RNF4: variants seen among roughly 807,000 people sequenced by gnomAD.
The protein encoded by RNF4 is E3 ubiquitin-protein ligase RNF4.
A neutral mutation model predicts 24.3 loss-of-function variants in RNF4; 7 were observed. That is an observed-to-expected ratio of 0.29 (90% CI 0.16 to 0.54). The LOEUF is 0.54. RNF4 is among the 20% of genes least tolerant of loss of function. The pLI is 0.95. For synonymous variants in RNF4, 83 were observed against 84.3 expected, an observed-to-expected ratio of 0.98 and a Z score of 0.09; for missense variants, 209 against 248.5, an observed-to-expected ratio of 0.84 and a Z score of 1.07.
At chr4:2,497,914 G>A (rs867398359) in intron 3 of RNF4, among the ~76,000 whole-genome samples, 2 of 152,090 alleles carry the variant, frequency 1.3e-5, no homozygotes, top group Admixed American at 6.6e-5. Flanking sequence ...TATTACAGGC[G>A]TGAGCCACTG....
intron 2 of RNF4, among the ~76,000 whole-genome samples, chr4:2,492,211 A>G (rs1050787835): frequency 1.3e-5 from 2 of 151,822 alleles, no homozygotes; most frequent in African/African-American, 4.8e-5. Context: ...AAAAAAAAAA[A>G]GAAAAATCAT....
At chr4:2,486,508 C>T (rs970430941) in intron 1 of RNF4, among the ~76,000 whole-genome samples, 1 of 152,164 alleles carries the variant, frequency 6.6e-6, no homozygotes, top group Non-Finnish European at 1.5e-5. Context: ...CTGACCCTTA[C>T]TAAACCCAAA....
chr4:2,476,007 G>A (rs904363748), intron 1 of RNF4, among the ~76,000 whole-genome samples: 3 of 152,114 alleles, frequency 2.0e-5, no homozygotes, highest in Admixed American at 6.6e-5. Flanking sequence ...AAACAAAATA[G>A]TATCTTTATT....
intron 1 of RNF4, among the ~76,000 whole-genome samples, chr4:2,479,268 C>T (rs1247548948): frequency 6.6e-6 from 1 of 152,126 alleles, no homozygotes; most frequent in Non-Finnish European, 1.5e-5. Flanking sequence ...CTTGCCTTGT[C>T]TCGGATGAGA....
At chr4:2,485,900 C>T (rs767541663) in intron 1 of RNF4, among the ~76,000 whole-genome samples, 17 of 152,032 alleles carry the variant, frequency 1.1e-4, no homozygotes, top group Non-Finnish European at 1.8e-4. Flanking sequence ...TATATGTTGG[C>T]GGAAGGAGGA....
intron 4 of RNF4, chr4:2,505,644 A>G (rs964606612): frequency 2.7e-5 from 4 of 149,480 alleles, no homozygotes; most frequent in African/African-American, 9.9e-5. Context: ...GATTTCCATC[A>G]TCTTAGACCT....
intron 3 of RNF4, among the ~76,000 whole-genome samples, chr4:2,499,162 A>G (rs1019484929): frequency 5.3e-5 from 8 of 151,956 alleles, no homozygotes; most frequent in African/African-American, 1.9e-4. Flanking sequence ...GTGCCACTGC[A>G]CTCCTGCCTG....
At position 2,500,685 on chromosome 4, in the gene RNF4, T is replaced by C. The variant is rs772605177; in HGVS notation, c.151T>C (p.Cys51Arg). The change falls in exon 4 of 8, where the codon TGT becomes CGT. Residue 51 changes from cysteine (C) to arginine (R), a missense_variant. Around this residue, in one of 3 missense-constraint regions of RNF4, gnomAD observed 182 missense variants for 197.2 expected, o/e 0.92. Coordinates refer to ENST00000314289, the MANE Select transcript of RNF4 (RefSeq NM_002938.5). ...TAGDEIVDLTCESLEPVVVDL... is the reference protein window; with the variant it reads ...TAGDEIVDLTRESLEPVVVDL... ...TGGAGATGAAATTGTGGACCTCACT[T>C]GTGAATCTTTAGAGCCTGTGGTGGT... 85 of 1,613,798 alleles carry C rather than the reference T, an allele frequency of 5.3e-5. No individual in the cohort carries two copies. Among genetic ancestry groups the C allele is most frequent in the Admixed American group, 1.8e-4 (11 of 59,988 alleles).
intron 2 of RNF4, 22 bp from the exon 3 acceptor site, chr4:2,496,985 T>C: frequency 6.4e-7 from 1 of 1,556,316 alleles, no homozygotes; most frequent in Non-Finnish European, 8.7e-7. Context: ...CATGTGACTC[T>C]TCTTTCCCCC....
At chr4:2,507,381 A>G (rs554176538) in intron 4 of RNF4, among the ~76,000 whole-genome samples, 2 of 152,340 alleles carry the variant, frequency 1.3e-5, no homozygotes, top group East Asian at 3.9e-4. Context: ...TGGCTACTCA[A>G]CTACAATGTG....
In RNF4 at chr4:2,483,772, C is replaced by A. The variant is rs1011812206; in HGVS notation, c.-157-6565C>A. ...TCAGCCAAGATCACACCACTGCACTCCAGCCTGGGTGACAGAACAAGACTG... is the reference window on the plus strand; with the variant it reads ...TCAGCCAAGATCACACCACTGCACTACAGCCTGGGTGACAGAACAAGACTG... On this transcript the variant is annotated intron_variant, in intron 1 of 7. Coordinates refer to ENST00000314289, the MANE Select transcript of RNF4 (RefSeq NM_002938.5). 3.3e-5 allele frequency among the ~76,000 whole-genome samples: 5 copies of A among 151,944 alleles called. No individual in the cohort carries two copies. In the South Asian group the frequency reaches 1.0e-3, roughly 32 times the overall value.
chr4:2,491,573 G>C (rs1484922991), intron 2 of RNF4, among the ~76,000 whole-genome samples: 1 of 152,120 alleles, frequency 6.6e-6, no homozygotes, highest in Non-Finnish European at 1.5e-5. Context: ...CTCCGGAGTA[G>C]CTTGGATTAC....
At chr4:2,484,235 C>T (rs895946857) in intron 1 of RNF4, among the ~76,000 whole-genome samples, 45 of 151,762 alleles carry the variant, frequency 3.0e-4, no homozygotes, top group African/African-American at 1.1e-3. Flanking sequence ...AAGAGCTTCT[C>T]GTTAGAGCAT....
intron 2 of RNF4, 58 bp downstream of exon 2, chr4:2,490,560 C>T: frequency 6.5e-7 from 1 of 1,544,902 alleles, no homozygotes; most frequent in Non-Finnish European, 8.9e-7. Flanking sequence ...CTACCTTATT[C>T]CTTGTAGCAC....
At chr4:2,497,366 T>A in intron 3 of RNF4, 80 of 210,310 alleles carry the variant, frequency 3.8e-4, no homozygotes, top group Middle Eastern at 1.8e-3. Context: ...GCAAATGAGA[T>A]AGCCCACCTT....
At position 2,513,855 on chromosome 4, in the gene RNF4, G is replaced by A. The variant is rs1289409752; in HGVS notation, c.*36G>A. ...GCCCCCCAGGAGAGACGGATGGACA[G>A]ACAGACAGCCAGGTTCTCCAGTGGT... On this transcript the variant is annotated 3_prime_UTR_variant, in exon 8 of 8. Coordinates refer to ENST00000314289, the MANE Select transcript of RNF4 (RefSeq NM_002938.5). 6.2e-7 allele frequency: 1 copy of A among 1,612,512 alleles called. No homozygotes were observed. The highest frequency in any genetic ancestry group is 8.5e-7 in the Non-Finnish European group (1 of 1,179,134).
chr4:2,484,526 T>C (rs1470051261), intron 1 of RNF4, among the ~76,000 whole-genome samples: 1 of 152,088 alleles, frequency 6.6e-6, no homozygotes, highest in Non-Finnish European at 1.5e-5. Flanking sequence ...TATGATTTAT[T>C]GGGAGTTAGC....
At chr4:2,496,566 T>TTC (rs1339896819) in intron 2 of RNF4, among the ~76,000 whole-genome samples, 1 of 152,138 alleles carries the variant, frequency 6.6e-6, no homozygotes, top group Non-Finnish European at 1.5e-5. Context: ...GTTCAAGTGA[T>TTC]TCTCCTGCCT....
chr4:2,512,640 T>C lies in RNF4; in HGVS notation c.374+43T>C. 1 of 1,606,566 alleles carries C rather than the reference T, an allele frequency of 6.2e-7. No individual in the cohort carries two copies. The highest frequency in any genetic ancestry group is 8.5e-7 in the Non-Finnish European group (1 of 1,175,632). ...GCTCTGCTGCCGCCATGCTAGGATGTGGGGCCAGGGCATGGGAATACTTTT... is the reference window on the plus strand; with the variant it reads ...GCTCTGCTGCCGCCATGCTAGGATGCGGGGCCAGGGCATGGGAATACTTTT... On this transcript the variant is annotated intron_variant, in intron 6 of 7. Coordinates refer to ENST00000314289, the MANE Select transcript of RNF4 (RefSeq NM_002938.5). The surrounding 1 kb of genome is among the most constrained non-coding windows in gnomAD (Gnocchi z 4.1).
Sources: gnomAD v4.1 joint callset for allele counts (sites outside exome capture counted in the v4.1 genomes callset) on GRCh38, gnomAD v4.1.1 for gene constraint, gnomAD v4.1.1 regional missense constraint, Gnocchi (gnomAD v3.1) non-coding constraint, MANE v1.5 for transcripts, NCBI Gene and HGNC (gene_info 2026-07-23, HGNC 2026-07-21) for gene names.